IQUB: variants seen among roughly 807,000 people sequenced by gnomAD.
IQUB encodes the protein IQ motif and ubiquitin domain containing.
In IQUB, 86 loss-of-function variants were observed where a neutral mutation model predicts 86.4. That is an observed-to-expected ratio of 1.00 (90% CI 0.84 to 1.19). The LOEUF is 1.19. IQUB is among the 50% of genes most tolerant of loss of function. The pLI is 0.00. For missense variants in IQUB, 946 were observed against 916.9 expected, an observed-to-expected ratio of 1.03 and a Z score of -0.41; for synonymous variants, 289 against 304.5, an observed-to-expected ratio of 0.95 and a Z score of 0.53.
At chr7:123,488,128 G>A (rs962303674) in intron 7 of IQUB, among the ~76,000 whole-genome samples, 2 of 151,720 alleles carry the variant, frequency 1.3e-5, no homozygotes, top group African/African-American at 4.8e-5. Context: ...GGCGGATCAC[G>A]AGGTCAGGAG....
chr7:123,468,616 C>T (rs1794370730), intron 9 of IQUB, among the ~76,000 whole-genome samples: 1 of 152,162 alleles, frequency 6.6e-6, no homozygotes, highest in South Asian at 2.1e-4. Context: ...TTTAGAATTC[C>T]CCGTGACACT....
chr7:123,469,448 C>G, intron 8 of IQUB, 64 bp from the exon 9 acceptor site: 1 of 922,244 alleles, frequency 1.1e-6, no homozygotes, highest in South Asian at 2.7e-5. Flanking sequence ...CAATTTTGCT[C>G]CTTCTACTAA....
chr7:123,530,247 C>A lies in IQUB; in HGVS notation c.-5+4245G>T, dbSNP rs563967880. 6.6e-5 allele frequency among the ~76,000 whole-genome samples: 10 copies of A among 151,622 alleles called. No individual in the cohort carries two copies. The South Asian group carries it at 2.1e-3, about 32-fold the overall frequency. On this transcript the variant is annotated intron_variant, in intron 1 of 12. Coordinates refer to ENST00000324698, the MANE Select transcript of IQUB (RefSeq NM_178827.5). ...TCACGCCTGATCGAGACCATCCCGG[C>A]CAACATGGTGAAACCCCGTCTCTAC...
At chr7:123,471,406 T>C (rs1563436311) in intron 8 of IQUB, among the ~76,000 whole-genome samples, 1 of 152,216 alleles carries the variant, frequency 6.6e-6, no homozygotes, top group Non-Finnish European at 1.5e-5. Flanking sequence ...CATGCTGTAA[T>C]ATTCTAAAGT....
chr7:123,513,364 T>A (rs1238577283), intron 1 of IQUB, among the ~76,000 whole-genome samples: 2 of 152,140 alleles, frequency 1.3e-5, no homozygotes, highest in Non-Finnish European at 2.9e-5. Flanking sequence ...TTATATAGAA[T>A]GATGCAAACA....
At chr7:123,509,314 T>A (rs1377944702) in intron 3 of IQUB, among the ~76,000 whole-genome samples, 6 of 152,152 alleles carry the variant, frequency 3.9e-5, no homozygotes, top group African/African-American at 1.4e-4. Context: ...AATATACCTA[T>A]CATCATGGAA....
chr7:123,460,758 C>G (rs145333876), intron 11 of IQUB, among the ~76,000 whole-genome samples: 1 of 151,742 alleles, frequency 6.6e-6, no homozygotes, highest in Non-Finnish European at 1.5e-5. Flanking sequence ...CCAAAGAGAC[C>G]GAAGTAGTGG....
intron 8 of IQUB, among the ~76,000 whole-genome samples, chr7:123,474,829 A>T (rs1361916002): frequency 1.3e-5 from 2 of 152,230 alleles, no homozygotes; most frequent in East Asian, 3.8e-4. Flanking sequence ...TTTAAAATTT[A>T]GCCTGGAGAT....
intron 1 of IQUB, among the ~76,000 whole-genome samples, chr7:123,528,372 A>G (rs1797364414): frequency 6.6e-6 from 1 of 152,258 alleles, no homozygotes; most frequent in Non-Finnish European, 1.5e-5. Flanking sequence ...AAAGCATAAT[A>G]TTAGCAAATA....
chr7:123,517,975 T>C (rs956327522), intron 1 of IQUB, among the ~76,000 whole-genome samples: 2 of 152,246 alleles, frequency 1.3e-5, no homozygotes, highest in South Asian at 2.1e-4. Flanking sequence ...TCTAATAAGG[T>C]TGAAAAGGAT....
intron 6 of IQUB, among the ~76,000 whole-genome samples, chr7:123,500,109 A>G (rs553895725): frequency 6.6e-6 from 1 of 152,356 alleles, no homozygotes; most frequent in East Asian, 1.9e-4. Flanking sequence ...TTAGCATATC[A>G]TCAAGAAATA....
chr7:123,496,425 T>G lies in IQUB; in HGVS notation c.1234+271A>C, dbSNP rs574698756. On this transcript the variant is annotated intron_variant, in intron 7 of 12. Coordinates refer to ENST00000324698, the MANE Select transcript of IQUB (RefSeq NM_178827.5). ...ACTTTCTCTCTTTATCTCACATGAA[T>G]GAGGATCAAATGAAATAATATACTA... Among the ~76,000 whole-genome samples, 9 of 152,228 alleles carry G rather than the reference T, an allele frequency of 5.9e-5. No individual in the cohort carries two copies. In the South Asian group the frequency reaches 6.2e-4, roughly 11 times the overall value.
At position 123,452,851 on chromosome 7, in the gene IQUB, T is replaced by A; in HGVS notation, c.2268A>T (p.Pro756=). 1 of 1,613,676 alleles carries A rather than the reference T, an allele frequency of 6.2e-7. No homozygotes were observed. The highest frequency in any genetic ancestry group is 1.3e-5 in the African/African-American group (1 of 75,036). ...CATCAAGTATAAATGAAGCCAGCAC[T>A]GGAACCTGAGAAAAATAGTTCTTAG... is the stretch of plus-strand genomic sequence containing the variant. ...ILAKNYFSQV[P]VLASFILDDG... is the part of the protein sequence containing the mutation. Residue 756 remains proline (P), a synonymous_variant, in exon 13 of 13, where the codon CCA becomes CCT. Transcript: ENST00000324698.
At chr7:123,479,753 C>T in intron 8 of IQUB, 42 bp downstream of exon 8, 1 of 1,411,976 alleles carries the variant, frequency 7.1e-7, no homozygotes, top group South Asian at 1.2e-5. Context: ...CATTTTTTAA[C>T]TCAGAATACA....
chr7:123,532,330 T>C (rs1797570019), intron 1 of IQUB: 1 of 152,188 alleles, frequency 6.6e-6, no homozygotes, highest in African/African-American at 2.4e-5. Context: ...AGGACATCTT[T>C]AAACAACGTA....
chr7:123,523,932 T>C (rs967378236), intron 1 of IQUB, among the ~76,000 whole-genome samples: 28 of 152,234 alleles, frequency 1.8e-4, no homozygotes, highest in African/African-American at 6.5e-4. Flanking sequence ...GGCTAGCCAG[T>C]TTTCCCAGCA....
chr7:123,471,252 T>C (rs938259410), intron 8 of IQUB, among the ~76,000 whole-genome samples: 13 of 152,220 alleles, frequency 8.5e-5, no homozygotes, highest in African/African-American at 3.1e-4. Context: ...TAAAATATTT[T>C]ATCATTCAAT....
chr7:123,503,488 T>C (rs1426424148), intron 3 of IQUB, 125 bp from the exon 4 acceptor site: 10 of 580,240 alleles, frequency 1.7e-5, no homozygotes, highest in Admixed American at 3.4e-5. Context: ...CTTTGAACTA[T>C]GTATACATTG....
chr7:123,516,452 A>C (rs2117289705), intron 1 of IQUB, among the ~76,000 whole-genome samples: 1 of 152,278 alleles, frequency 6.6e-6, no homozygotes, highest in Middle Eastern at 3.4e-3. Context: ...TGGCTTTCTG[A>C]TTTTGTGCTA....
Sources: gnomAD v4.1 joint callset for allele counts (sites outside exome capture counted in the v4.1 genomes callset) on GRCh38, gnomAD v4.1.1 for gene constraint, MANE v1.5 for transcripts, NCBI Gene and HGNC (gene_info 2026-07-23, HGNC 2026-07-21) for gene names.